NDST4: variants seen among roughly 807,000 people sequenced by gnomAD.
NDST4 encodes N-deacetylase and N-sulfotransferase 4.
A neutral mutation model predicts 100.8 loss-of-function variants in NDST4; 63 were observed. That is an observed-to-expected ratio of 0.62 (90% CI 0.51 to 0.77). The LOEUF is 0.77. Ranked by LOEUF, NDST4 falls within the 30% of genes least tolerant of loss-of-function variation. The probability of loss-of-function intolerance (pLI) is 0.00; values close to 1 mark genes in which losing one functional copy is unlikely to be tolerated. For missense variants in NDST4, 943 were observed against 1,018.4 expected (o/e 0.93, Z 1.01); for synonymous variants, 377 against 361.8 (o/e 1.04, Z -0.48).
chr4:115,083,270 A>G (rs771923509), intron 1 of NDST4, among the ~76,000 whole-genome samples: 1 of 152,040 alleles, frequency 6.6e-6, no homozygotes, highest in Non-Finnish European at 1.5e-5. Flanking sequence ...GGACAACAAA[A>G]CAAGATCTTG....
At chr4:114,833,509 A>T (rs1723244850) in intron 12 of NDST4, 97 bp downstream of exon 12, 1 of 748,682 alleles carries the variant, frequency 1.3e-6, no homozygotes. Flanking sequence ...GGATGTATAA[A>T]TTCTAGCTAG....
At chr4:114,875,671 G>GT (rs1205180610) in intron 6 of NDST4, among the ~76,000 whole-genome samples, 4 of 152,044 alleles carry the variant, frequency 2.6e-5, no homozygotes, top group Non-Finnish European at 5.9e-5. Context: ...ACAATTAATT[G>GT]TTTTTTGTAA....
chr4:114,914,667 C>T (rs1308721093), intron 6 of NDST4, among the ~76,000 whole-genome samples: 1 of 151,980 alleles, frequency 6.6e-6, no homozygotes, highest in Non-Finnish European at 1.5e-5. Context: ...ATCAGTTCTG[C>T]TTTTTCAAGA....
chr4:114,951,365 T>A (rs1419897320), intron 4 of NDST4, among the ~76,000 whole-genome samples: 3 of 152,040 alleles, frequency 2.0e-5, no homozygotes, highest in African/African-American at 7.2e-5. Flanking sequence ...CAAAGCAAAT[T>A]AGAATGTCTT....
In NDST4 at chr4:114,991,278, C is replaced by A. The variant is rs937674210; in HGVS notation, c.979-14004G>T. 7.9e-5 allele frequency among the ~76,000 whole-genome samples: 12 copies of A among 151,874 alleles called. No homozygotes were observed. The East Asian group carries it at 9.6e-4, about 12-fold the overall frequency. On this transcript the variant is annotated intron_variant, in intron 2 of 13. Transcript: ENST00000264363. The stretch of plus-strand genomic sequence containing the variant: ...AGACTTTGTAAAAAATGAAAGTCAG[C>A]CAAAGTAATTAAAGAGGCTTTACTC...
At chr4:114,957,527 A>T (rs903194130) in intron 4 of NDST4, among the ~76,000 whole-genome samples, 10 of 152,164 alleles carry the variant, frequency 6.6e-5, no homozygotes, top group African/African-American at 2.2e-4. Context: ...GCCAAACCAA[A>T]TCATTCCTGG....
chr4:115,106,102 C>T (rs982105911), intron 1 of NDST4, among the ~76,000 whole-genome samples: 1 of 152,170 alleles, frequency 6.6e-6, no homozygotes, highest in Admixed American at 6.6e-5. Context: ...AATAAGTGCC[C>T]TGATGGAACA....
In NDST4 at chr4:114,933,453, T is replaced by TTG. The variant is rs1553955202; in HGVS notation, c.1536+1751_1536+1752dup. On this transcript the variant is annotated intron_variant, in intron 6 of 13. Coordinates refer to ENST00000264363, the MANE Select transcript of NDST4 (RefSeq NM_022569.3). ...TTTCCTTTTTTTTTTTTTTTTTTTT[T>TTG]TGTGTGTAAAAACCCAAAAGCCCAG... 5.2e-3 allele frequency among the ~76,000 whole-genome samples: 736 copies of TTG among 140,974 alleles called. 4 individuals carry two copies. Among genetic ancestry groups the TTG allele is most frequent in the African/African-American group, 0.019 (680 of 36,146 alleles). The allele number at this position is 140,974 out of a possible 152,430, so 92.5% of individuals were successfully genotyped here. A position where few individuals can be genotyped will look rare whatever the true frequency, so the allele number is the denominator to read the frequency against.
intron 2 of NDST4, among the ~76,000 whole-genome samples, chr4:114,993,626 C>A (rs1307142453): frequency 6.6e-6 from 1 of 151,906 alleles, no homozygotes; most frequent in African/African-American, 2.4e-5. Context: ...ATATCTTAGC[C>A]TCTGTTTTAA....
intron 6 of NDST4, among the ~76,000 whole-genome samples, chr4:114,900,672 T>C (rs867716793): frequency 1.3e-5 from 2 of 152,186 alleles, no homozygotes; most frequent in Non-Finnish European, 2.9e-5. Context: ...GGCTAGACCA[T>C]ATAAGTTTGT....
At chr4:114,862,624 G>A (rs1186558651) in intron 7 of NDST4, among the ~76,000 whole-genome samples, 2 of 151,974 alleles carry the variant, frequency 1.3e-5, no homozygotes, top group African/African-American at 4.8e-5. Context: ...CTTCTTTATT[G>A]CAGTGCACAT....
chr4:115,052,662 C>G (rs907366581), intron 2 of NDST4, among the ~76,000 whole-genome samples: 2 of 152,098 alleles, frequency 1.3e-5, no homozygotes, highest in Non-Finnish European at 2.9e-5. Context: ...GATTGTGAGG[C>G]CTCCCTAGCC....
intron 8 of NDST4, among the ~76,000 whole-genome samples, chr4:114,850,043 G>GT (rs541823660): frequency 7.2e-5 from 11 of 152,146 alleles, no homozygotes; most frequent in Admixed American, 1.3e-4. Context: ...AAATCTAGAA[G>GT]TTTTTTTTAA....
chr4:114,935,468 T>C (rs968486083), intron 5 of NDST4, 134 bp from the exon 6 acceptor site: 1 of 728,484 alleles, frequency 1.4e-6, no homozygotes, highest in African/African-American at 1.8e-5. Context: ...AATCTTATTA[T>C]AATCACAAGT....
chr4:115,044,827 T>C (rs1387881563), intron 2 of NDST4, among the ~76,000 whole-genome samples: 2 of 149,210 alleles, frequency 1.3e-5, no homozygotes, highest in Non-Finnish European at 3.0e-5. Context: ...TTCATGAAAA[T>C]GACTGATAAA....
chr4:115,038,660 TC>T (rs938334304), intron 2 of NDST4, among the ~76,000 whole-genome samples: 1 of 152,208 alleles, frequency 6.6e-6, no homozygotes, highest in Non-Finnish European at 1.5e-5. Context: ...CATGTGTTTT[TC>T]CCCTTGAAAA....
At chr4:114,932,252 T>G (rs909227982) in intron 6 of NDST4, among the ~76,000 whole-genome samples, 2 of 151,966 alleles carry the variant, frequency 1.3e-5, no homozygotes, top group East Asian at 3.8e-4. Flanking sequence ...AAAAATCATA[T>G]GATCATCTCA....
intron 6 of NDST4, among the ~76,000 whole-genome samples, chr4:114,923,271 T>C (rs986535433): frequency 4.6e-5 from 7 of 152,188 alleles, no homozygotes; most frequent in Non-Finnish European, 8.8e-5. Flanking sequence ...TTTATATTTT[T>C]ATTTTCACTG....
chr4:115,067,895 C>A (rs144588523), intron 2 of NDST4, among the ~76,000 whole-genome samples: 1 of 100,932 alleles, frequency 9.9e-6, no homozygotes, highest in Admixed American at 1.5e-4. Flanking sequence ...CCTCCTCCCT[C>A]CCCCCACCCC....
Sources: gnomAD v4.1 joint callset for allele counts (sites outside exome capture counted in the v4.1 genomes callset) on GRCh38, gnomAD v4.1.1 for gene constraint, MANE v1.5 for transcripts, NCBI Gene and HGNC (gene_info 2026-07-23, HGNC 2026-07-21) for gene names.